The following OPCML variants were observed in gnomAD, a reference collection of about 807,000 sequenced individuals.
OPCML encodes opioid binding protein/cell adhesion molecule like.
Under a neutral mutation model 37.8 loss-of-function variants are expected in OPCML, and 13 were observed. The ratio of observed to expected loss-of-function variants is 0.34; its 90% CI spans 0.22 to 0.55. The LOEUF (loss-of-function observed/expected upper bound fraction) is 0.55. OPCML is among the 20% of genes least tolerant of loss of function. The pLI is 0.91. For synonymous variants in OPCML, 176 were observed against 168.8 expected (o/e 1.04, Z -0.33); for missense variants, 341 against 435.6 (o/e 0.78, Z 1.93).
intron 1 of OPCML, among the ~76,000 whole-genome samples, chr11:133,125,709 GTA>G (rs1187462700): frequency 1.6e-4 from 5 of 30,448 alleles, no homozygotes; most frequent in Admixed American, 3.8e-4. Flanking sequence ...TATATATAGT[GTA>G]TATATATGTA....
At chr11:132,908,317 C>A (rs1451880626) in intron 2 of OPCML, among the ~76,000 whole-genome samples, 2 of 152,224 alleles carry the variant, frequency 1.3e-5, no homozygotes, top group Non-Finnish European at 2.9e-5. Context: ...CACACACGTG[C>A]ACACATAGGT....
chr11:132,438,334 G>T (rs1005225763), intron 4 of OPCML, among the ~76,000 whole-genome samples: 3 of 152,224 alleles, frequency 2.0e-5, no homozygotes, highest in Admixed American at 1.3e-4. Flanking sequence ...ACAGCCATTT[G>T]CATTTCTTAT....
intron 2 of OPCML, among the ~76,000 whole-genome samples, chr11:132,785,015 T>C (rs1947160497): frequency 6.6e-6 from 1 of 152,240 alleles, no homozygotes; most frequent in Non-Finnish European, 1.5e-5. Flanking sequence ...CAATGATACA[T>C]ATTTTATTTT....
At chr11:132,576,826 G>T (rs1186378272) in intron 3 of OPCML, among the ~76,000 whole-genome samples, 1 of 152,134 alleles carries the variant, frequency 6.6e-6, no homozygotes, top group Non-Finnish European at 1.5e-5. Flanking sequence ...AAAGCAGACA[G>T]CTGTGTTTCT....
intron 1 of OPCML, among the ~76,000 whole-genome samples, chr11:133,234,936 G>A (rs56025230): frequency 0.039 from 5,890 of 152,072 alleles, 363 homozygotes; most frequent in African/African-American, 0.13. Context: ...TGGTCTGTTG[G>A]CATTTCAGAG....
chr11:132,956,156 G>A (rs1249988385), intron 1 of OPCML, among the ~76,000 whole-genome samples: 1 of 152,182 alleles, frequency 6.6e-6, no homozygotes, highest in Non-Finnish European at 1.5e-5. Flanking sequence ...AGCTAAAGGT[G>A]GAGAACAAGA....
At chr11:132,468,097 A>G (rs940529234) in intron 4 of OPCML, among the ~76,000 whole-genome samples, 1 of 152,072 alleles carries the variant, frequency 6.6e-6, no homozygotes, top group Non-Finnish European at 1.5e-5. Context: ...TGGGCTTCCA[A>G]CCCAGCCTCC....
chr11:133,244,054 C>T (rs1940827980), intron 1 of OPCML, among the ~76,000 whole-genome samples: 1 of 152,224 alleles, frequency 6.6e-6, no homozygotes, highest in South Asian at 2.1e-4. Flanking sequence ...AGAAGGCAGA[C>T]TCCACCTTGG....
intron 2 of OPCML, among the ~76,000 whole-genome samples, chr11:132,893,087 T>C (rs1227501892): frequency 4.6e-5 from 7 of 152,164 alleles, no homozygotes; most frequent in African/African-American, 1.7e-4. Context: ...GTTTTTGAAA[T>C]CGTCAATCAT....
intron 2 of OPCML, among the ~76,000 whole-genome samples, chr11:132,827,378 G>C (rs1378888441): frequency 6.6e-6 from 1 of 152,120 alleles, no homozygotes; most frequent in Non-Finnish European, 1.5e-5. Flanking sequence ...ACACCTACTT[G>C]AATGGCTAAA....
chr11:133,453,394 G>A (rs1288460121), intron 1 of OPCML, among the ~76,000 whole-genome samples: 2 of 152,154 alleles, frequency 1.3e-5, no homozygotes, highest in African/African-American at 4.8e-5. Flanking sequence ...AACTCTGACG[G>A]AAGAAATAAA....
At chr11:133,318,987 A>G (rs1943268825) in intron 1 of OPCML, among the ~76,000 whole-genome samples, 1 of 150,826 alleles carries the variant, frequency 6.6e-6, no homozygotes, top group Non-Finnish European at 1.5e-5. Context: ...AGATCACACC[A>G]CTGCACTCCA....
At chr11:132,786,481 T>C (rs544792095) in intron 2 of OPCML, among the ~76,000 whole-genome samples, 1 of 152,346 alleles carries the variant, frequency 6.6e-6, no homozygotes, top group African/African-American at 2.4e-5. Flanking sequence ...GCTTTGATTC[T>C]GACCTCTGGC....
intron 1 of OPCML, among the ~76,000 whole-genome samples, chr11:132,972,114 G>T (rs923584199): frequency 6.6e-6 from 1 of 152,114 alleles, no homozygotes; most frequent in Non-Finnish European, 1.5e-5. Context: ...GTGGCTTCCT[G>T]GTCCAGGCAG....
chr11:132,869,491 A>C (rs967347907), intron 2 of OPCML, among the ~76,000 whole-genome samples: 4 of 152,072 alleles, frequency 2.6e-5, no homozygotes, highest in African/African-American at 9.7e-5. Context: ...AAATACTTAC[A>C]ACCTGGGAGG....
At chr11:132,813,377 T>C (rs1369021627) in intron 2 of OPCML, among the ~76,000 whole-genome samples, 1 of 152,196 alleles carries the variant, frequency 6.6e-6, no homozygotes, top group East Asian at 1.9e-4. Flanking sequence ...TTGTTTAATT[T>C]TCAAAATGAG....
At chr11:132,791,228 C>T (rs1049048546) in intron 2 of OPCML, among the ~76,000 whole-genome samples, 2 of 152,210 alleles carry the variant, frequency 1.3e-5, no homozygotes, top group Non-Finnish European at 2.9e-5. Flanking sequence ...AGACTTGCCA[C>T]ATCTTCTTTT....
chr11:132,577,513 G>A (rs866793596), intron 3 of OPCML, among the ~76,000 whole-genome samples: 35 of 152,204 alleles, frequency 2.3e-4, no homozygotes, highest in South Asian at 4.1e-4. Context: ...GACTTTAATA[G>A]CAATGCTTCC....
At chr11:132,728,246 T>C (rs1427261253) in intron 2 of OPCML, among the ~76,000 whole-genome samples, 1 of 152,102 alleles carries the variant, frequency 6.6e-6, no homozygotes, top group African/African-American at 2.4e-5. Flanking sequence ...TGCGAATTAT[T>C]TGAGGATATG....
Sources: allele counts gnomAD v4.1 joint callset (sites outside exome capture counted in the v4.1 genomes callset), GRCh38; gene constraint gnomAD v4.1.1; transcripts MANE v1.5; gene names NCBI Gene and HGNC (gene_info 2026-07-23, HGNC 2026-07-21).